RELT: variants seen among roughly 807,000 people sequenced by gnomAD.
RELT encodes the protein RELT TNF receptor, also known as tumor necrosis factor receptor superfamily member 19L.
A neutral mutation model predicts 51.1 loss-of-function variants in RELT; 37 were observed. The observed-to-expected ratio is 0.72, with a 90% CI of 0.56 to 0.95. The LOEUF (loss-of-function observed/expected upper bound fraction) is 0.95. RELT is among the 40% of genes least tolerant of loss of function. The probability of loss-of-function intolerance (pLI) is 0.00; values close to 1 mark genes in which losing one functional copy is unlikely to be tolerated. For synonymous variants in RELT, 241 were observed against 235.7 expected, an observed-to-expected ratio of 1.02 and a Z score of -0.21; for missense variants, 535 against 572.6, an observed-to-expected ratio of 0.93 and a Z score of 0.67.
In RELT at chr11:73,395,708, CT is replaced by C. The variant is rs1233082834; in HGVS notation, c.*218del. 1.3e-4 allele frequency: 75 copies of C among 584,768 alleles called. No homozygotes were observed. Among genetic ancestry groups the C allele is most frequent in the Admixed American group, 1.5e-4 (5 of 33,498 alleles). 36.2% of individuals were successfully genotyped at this position (584,768 alleles called of 1,614,324 possible). A position where few individuals can be genotyped will look rare whatever the true frequency, so the allele number is the denominator to read the frequency against. The stretch of plus-strand genomic sequence containing the variant: ...TACAGGAGCAGGCTGAGCCCCGCCC[CT>C]GGCCCTGCTGCCATGTTGCTCCCCT... On this transcript the variant is annotated 3_prime_UTR_variant, in exon 11 of 11. Transcript: ENST00000064780.
chr11:73,394,066 A>G lies in RELT; in HGVS notation c.706+149A>G, dbSNP rs1275522452. 6 of 947,744 alleles carry G rather than the reference A, an allele frequency of 6.3e-6. No homozygotes were observed. The East Asian group carries it at 1.5e-4, about 24-fold the overall frequency. The allele number at this position is 947,744 out of a possible 1,614,324, so 58.7% of individuals were successfully genotyped here. A position where few individuals can be genotyped will look rare whatever the true frequency, so the allele number is the denominator to read the frequency against. ...GCAGCCTGGTGCTCTCTGACCCAGG[A>G]GTGCACACCTCTGCCTCCCATTCTT... On this transcript the variant is annotated intron_variant, in intron 7 of 10. Transcript: ENST00000064780. This position sits in a 1 kb window ranked among gnomAD's most constrained non-coding sequence, Gnocchi z 4.9.
intron 6 of RELT, 35 bp from the exon 7 acceptor site, chr11:73,393,802 C>G (rs777343163): frequency 1.9e-6 from 3 of 1,608,060 alleles, no homozygotes; most frequent in Admixed American, 3.3e-5. Flanking sequence ...CGGCTTCCCC[C>G]TCTTCCCCAG....
intron 7 of RELT, 78 bp downstream of exon 7, chr11:73,393,995 G>A (rs1481618917): frequency 2.1e-6 from 3 of 1,408,314 alleles, no homozygotes; most frequent in Non-Finnish European, 2.0e-6. Context: ...CAGCCGCGGT[G>A]GGCAGAGTCT....
intron 1 of RELT, among the ~76,000 whole-genome samples, chr11:73,381,253 G>C (rs1038306795): frequency 5.3e-5 from 8 of 152,184 alleles, no homozygotes; most frequent in Admixed American, 5.2e-4. Context: ...AGACAGAGGG[G>C]GACAGCGGGA....
chr11:73,379,777 C>A (rs201726053), intron 1 of RELT, among the ~76,000 whole-genome samples: 1 of 152,214 alleles, frequency 6.6e-6, no homozygotes, highest in African/African-American at 2.4e-5. Flanking sequence ...TGTGCTTCCA[C>A]GTCGGCTCTC....
intron 1 of RELT, among the ~76,000 whole-genome samples, chr11:73,382,396 G>T (rs545868080): frequency 2.6e-5 from 4 of 152,364 alleles, no homozygotes; most frequent in Non-Finnish European, 4.4e-5. Flanking sequence ...CAGTTTTATG[G>T]CCGGGGCAGG....
intron 1 of RELT, among the ~76,000 whole-genome samples, chr11:73,387,280 C>T (rs1027732282): frequency 3.9e-5 from 6 of 152,148 alleles, no homozygotes; most frequent in Admixed American, 6.5e-5. Flanking sequence ...CTCTGTCTTG[C>T]GTAGTCAGGC....
chr11:73,378,149 G>A (rs1276352598), intron 1 of RELT, among the ~76,000 whole-genome samples: 1 of 152,220 alleles, frequency 6.6e-6, no homozygotes, highest in African/African-American at 2.4e-5. Flanking sequence ...GAGAGCTGGA[G>A]CGGTACCCTT....
Position 73,394,079 on chromosome 11 carries a change from GCCTCCC to G in RELT, c.707-156_707-151del. On this transcript the variant is annotated intron_variant, in intron 7 of 10. Coordinates refer to ENST00000064780, the MANE Select transcript of RELT (RefSeq NM_152222.2). This position sits in a 1 kb window ranked among gnomAD's most constrained non-coding sequence, Gnocchi z 4.9. ...CTCTGACCCAGGAGTGCACACCTCTGCCTCCCATTCTTGCCTGATGAAGTGGGAGGA... is the reference window on the plus strand; with the variant it reads ...CTCTGACCCAGGAGTGCACACCTCTGATTCTTGCCTGATGAAGTGGGAGGA... 7.4e-6 allele frequency: 7 copies of G among 940,754 alleles called. No individual in the cohort carries two copies. The highest frequency in any genetic ancestry group is 7.3e-5 in the South Asian group (5 of 68,594). 58.3% of individuals were successfully genotyped at this position (940,754 alleles called of 1,614,324 possible).
chr11:73,379,514 A>G (rs139146039), intron 1 of RELT, among the ~76,000 whole-genome samples: 6 of 152,288 alleles, frequency 3.9e-5, no homozygotes, highest in Admixed American at 3.3e-4. Flanking sequence ...GTCAGGCCCA[A>G]TCTCATTTCA....
intron 1 of RELT, among the ~76,000 whole-genome samples, chr11:73,380,517 G>A (rs1713824135): frequency 6.6e-6 from 1 of 152,150 alleles, no homozygotes; most frequent in Admixed American, 6.5e-5. Flanking sequence ...TGGTATGGGG[G>A]AACCTCGACT....
chr11:73,396,828 C>T lies in RELT; in HGVS notation c.*1337C>T, dbSNP rs1239953039. 6.6e-6 allele frequency: 1 copy of T among 152,232 alleles called. No homozygotes were observed. The highest frequency in any genetic ancestry group is 2.4e-5 in the African/African-American group (1 of 41,452). 9.4% of individuals were successfully genotyped at this position (152,232 alleles called of 1,614,324 possible). A position where few individuals can be genotyped will look rare whatever the true frequency, so the allele number is the denominator to read the frequency against. On this transcript the variant is annotated 3_prime_UTR_variant, in exon 11 of 11. Transcript: ENST00000064780. ...CAACTCATCTGGTTCTCACCAAAGCCCCTAGCTAGAGGCAGGGCTGTCCCA... is the reference window on the plus strand; with the variant it reads ...CAACTCATCTGGTTCTCACCAAAGCTCCTAGCTAGAGGCAGGGCTGTCCCA...
At chr11:73,389,544 G>C (rs1375401859) in intron 2 of RELT, among the ~76,000 whole-genome samples, 1 of 152,252 alleles carries the variant, frequency 6.6e-6, no homozygotes, top group African/African-American at 2.4e-5. Flanking sequence ...TAGCACCTCA[G>C]GTGCTGGGGT....
intron 1 of RELT, among the ~76,000 whole-genome samples, chr11:73,385,032 C>T (rs576167437): frequency 1.8e-4 from 27 of 151,524 alleles, no homozygotes; most frequent in Non-Finnish European, 3.4e-4. Context: ...TTGGTGGGGG[C>T]GCGTCACGAC....
intron 1 of RELT, among the ~76,000 whole-genome samples, chr11:73,383,913 G>A (rs1418353695): frequency 6.6e-6 from 1 of 152,214 alleles, no homozygotes; most frequent in Non-Finnish European, 1.5e-5. Flanking sequence ...TGCTAACCTG[G>A]ATTTCTCTGT....
rs1314215041 is a variant in RELT at position 73,377,858 on chromosome 11, C to CAGA, written c.-26+1359_-26+1360insAGA. Among the ~76,000 whole-genome samples the CAGA allele has an allele frequency of 2.8e-4, 42 of 152,028 alleles. 1 individual carries two copies. The highest frequency in any genetic ancestry group is 9.4e-4 in the African/African-American group (39 of 41,390). On this transcript the variant is annotated intron_variant, in intron 1 of 10. Coordinates refer to ENST00000064780, the MANE Select transcript of RELT (RefSeq NM_152222.2). Reference sequence around the variant, plus strand: ...TGCAGTGGGGGGTGGGGGCAGGCTTCTCCTGGGGACACAGCGGCCCAGGGG... The same window carrying CAGA: ...TGCAGTGGGGGGTGGGGGCAGGCTTCAGATCCTGGGGACACAGCGGCCCAGGGG...
rs754812635 is a variant in RELT at position 73,391,128 on chromosome 11, T to C, written c.288-16T>C. 5.0e-6 allele frequency: 8 copies of C among 1,611,626 alleles called. No individual in the cohort carries two copies. In the African/African-American group the frequency reaches 8.0e-5, roughly 16 times the overall value. On this transcript the variant is annotated splice_polypyrimidine_tract_variant and intron_variant, in intron 4 of 10. Transcript: ENST00000064780. ...GGGAAACTTCTGGGCCTCAGTGGTA[T>C]CTTCCCTCCTCGCAGGTGGTTTGGG... is the stretch of plus-strand genomic sequence containing the variant.
In RELT at chr11:73,390,587, A is replaced by C. The variant is rs764343797; in HGVS notation, c.82A>C (p.Thr28Pro). The change falls in exon 3 of 11, where the codon ACC becomes CCC. Residue 28 changes from threonine to proline, a missense_variant. By Grantham distance (38) the Thr-to-Pro change is conservative (BLOSUM62 -1). Transcript: ENST00000064780. ...GCCTCTCGCCACCCTGACATCAACA[A>C]CCCTTTGGCAGTGCCCACCTGGGGA... is the stretch of plus-strand genomic sequence containing the variant. ...PWPLATLTST[T>P]LWQCPPGEEP... 1.2e-6 allele frequency: 2 copies of C among 1,613,684 alleles called. No homozygotes were observed. Among genetic ancestry groups the C allele is most frequent in the South Asian group, 2.2e-5 (2 of 91,066 alleles).
chr11:73,395,724 G>A lies in RELT; in HGVS notation c.*233G>A, dbSNP rs1348837080. 5.2e-6 allele frequency: 3 copies of A among 578,650 alleles called. No homozygotes were observed. The highest frequency in any genetic ancestry group is 9.3e-6 in the Non-Finnish European group (3 of 323,818). 35.8% of individuals were successfully genotyped at this position (578,650 alleles called of 1,614,324 possible). On this transcript the variant is annotated 3_prime_UTR_variant, in exon 11 of 11. Transcript: ENST00000064780. ...GCCCCGCCCCTGGCCCTGCTGCCATGTTGCTCCCCTGAAGGATGCCCCGAC... is the reference window on the plus strand; with the variant it reads ...GCCCCGCCCCTGGCCCTGCTGCCATATTGCTCCCCTGAAGGATGCCCCGAC...
Sources: allele counts gnomAD v4.1 joint callset (sites outside exome capture counted in the v4.1 genomes callset), GRCh38; gene constraint gnomAD v4.1.1; non-coding constraint Gnocchi (gnomAD v3.1); transcripts MANE v1.5; gene names NCBI Gene and HGNC (gene_info 2026-07-23, HGNC 2026-07-21).